Variants in PRKN observed in about 807,000 individuals in gnomAD.
PRKN encodes E3 ubiquitin-protein ligase parkin.
In PRKN, 56 loss-of-function variants were observed where a neutral mutation model predicts 59.5. The ratio of observed to expected loss-of-function variants is 0.94; its 90% CI spans 0.76 to 1.18. The LOEUF (loss-of-function observed/expected upper bound fraction) is 1.18. PRKN is among the 50% of genes most tolerant of loss of function. PRKN has a pLI of 0.00. For synonymous variants in PRKN, 250 were observed against 222.1 expected (o/e 1.13, Z -1.12); for missense variants, 657 against 596.4 (o/e 1.10, Z -1.06).
At chr6:162,647,641 C>T (rs995260096) in intron 1 of PRKN, among the ~76,000 whole-genome samples, 1 of 152,030 alleles carries the variant, frequency 6.6e-6, no homozygotes, top group Non-Finnish European at 1.5e-5. Context: ...CTATTCAGGG[C>T]TTTCTGGAAG....
chr6:162,553,557 A>AAAAAC (rs1554242558), intron 1 of PRKN, among the ~76,000 whole-genome samples: 25,119 of 138,140 alleles, frequency 0.18, 2,815 homozygotes, highest in East Asian at 0.46. Context: ...AAAAAAAAAA[A>AAAAAC]CACCCTAAAG....
intron 3 of PRKN, among the ~76,000 whole-genome samples, chr6:162,220,289 T>C (rs1046292510): frequency 3.3e-5 from 5 of 152,082 alleles, no homozygotes; most frequent in Non-Finnish European, 7.4e-5. Context: ...TATGCTTAAG[T>C]CTTCAAAAGG....
intron 7 of PRKN, among the ~76,000 whole-genome samples, chr6:161,583,017 CACACAT>C (rs71836147): frequency 0.075 from 9,775 of 130,008 alleles, 469 homozygotes; most frequent in East Asian, 0.18. Flanking sequence ...CACACACACA[CACACAT>C]ACACATTTTG....
At chr6:161,589,154 A>C (rs1160005149) in intron 7 of PRKN, among the ~76,000 whole-genome samples, 1 of 152,208 alleles carries the variant, frequency 6.6e-6, no homozygotes, top group East Asian at 1.9e-4. Context: ...AACCTGCTGA[A>C]ATACACCAGC....
rs1202526909 is a variant in PRKN, at chr6:161,448,590, A to G, written c.1084-61713T>C. Among the ~76,000 whole-genome samples, 1 of 152,134 alleles carries G rather than the reference A, an allele frequency of 6.6e-6. No individual in the cohort carries two copies. Among genetic ancestry groups the G allele is most frequent in the Non-Finnish European group, 1.5e-5 (1 of 68,042 alleles). ...CTTCTTTCTCTTTCTCTGTCCCCCG[A>G]GGTAGCATCTATGCTGACGTTCCCG... is the stretch of plus-strand genomic sequence containing the variant. On this transcript the variant is annotated intron_variant, in intron 9 of 11. Transcript: ENST00000366898. This position sits in a 1 kb window ranked among gnomAD's most constrained non-coding sequence, Gnocchi z 5.1.
chr6:162,307,015 T>C (rs1038596305), intron 2 of PRKN, among the ~76,000 whole-genome samples: 1 of 152,158 alleles, frequency 6.6e-6, no homozygotes, highest in Non-Finnish European at 1.5e-5. Context: ...TTTTTAAAAC[T>C]ATCTATCTGT....
intron 2 of PRKN, among the ~76,000 whole-genome samples, chr6:162,341,957 C>T (rs1784197940): frequency 6.6e-6 from 1 of 150,694 alleles, no homozygotes; most frequent in Admixed American, 6.6e-5. Context: ...AAATGTTCTT[C>T]TAAATCTAGG....
intron 2 of PRKN, among the ~76,000 whole-genome samples, chr6:162,294,476 A>C (rs2128110550): frequency 6.6e-6 from 1 of 152,306 alleles, no homozygotes. Context: ...ATTGATTAAT[A>C]ACTTGCCTGA....
At chr6:161,751,940 A>G (rs1562655492) in intron 7 of PRKN, among the ~76,000 whole-genome samples, 3 of 152,186 alleles carry the variant, frequency 2.0e-5, no homozygotes, top group African/African-American at 7.2e-5. Flanking sequence ...CCTGCACGGG[A>G]AGGTGGTTCA....
Position 161,497,577 on chromosome 6 carries a change from T to TCTCTCACACA in PRKN, c.1083+51276_1083+51277insTGTGTGAGAG, listed in dbSNP as rs369404858. Among the ~76,000 whole-genome samples, 121 of 147,472 alleles carry TCTCTCACACA rather than the reference T, an allele frequency of 8.2e-4. No homozygotes were observed. The highest frequency in any genetic ancestry group is 3.5e-3 in the Middle Eastern group (1 of 282). The stretch of plus-strand genomic sequence containing the variant: ...ATGTCTCTCTCTCTCTCTCTCTCTC[T>TCTCTCACACA]CACACACACACACACACACACCATA... On this transcript the variant is annotated intron_variant, in intron 9 of 11. Coordinates refer to ENST00000366898, the MANE Select transcript of PRKN (RefSeq NM_004562.3). This position sits in a 1 kb window ranked among gnomAD's most constrained non-coding sequence, Gnocchi z 4.6.
At chr6:161,519,116 T>C (rs759017562) in intron 9 of PRKN, among the ~76,000 whole-genome samples, 10 of 151,970 alleles carry the variant, frequency 6.6e-5, no homozygotes, top group Non-Finnish European at 1.2e-4. Flanking sequence ...TTGAGGGAGA[T>C]TGCACTGTTA....
chr6:162,468,495 C>T (rs1260093279), intron 1 of PRKN, among the ~76,000 whole-genome samples: 1 of 150,994 alleles, frequency 6.6e-6, no homozygotes, highest in Non-Finnish European at 1.5e-5. Flanking sequence ...CTAAACTGTT[C>T]GGTAATCCCA....
intron 1 of PRKN, among the ~76,000 whole-genome samples, chr6:162,449,215 A>G (rs1031272096): frequency 1.3e-5 from 2 of 151,540 alleles, no homozygotes; most frequent in South Asian, 2.1e-4. Flanking sequence ...AATTGCATCT[A>G]CTAGCATTTG....
At chr6:161,501,504 T>C (rs1198879497) in intron 9 of PRKN, among the ~76,000 whole-genome samples, 14 of 152,232 alleles carry the variant, frequency 9.2e-5, no homozygotes, top group Admixed American at 9.2e-4. Flanking sequence ...AAGTTCTTTG[T>C]ATATTTTGGT....
chr6:161,958,487 A>G (rs1780264878), intron 6 of PRKN, among the ~76,000 whole-genome samples: 1 of 152,230 alleles, frequency 6.6e-6, no homozygotes, highest in Non-Finnish European at 1.5e-5. Flanking sequence ...CATCAAATCA[A>G]TATTATGGTA....
intron 7 of PRKN, among the ~76,000 whole-genome samples, chr6:161,711,667 T>C (rs1455794895): frequency 6.6e-6 from 1 of 152,148 alleles, no homozygotes; most frequent in Non-Finnish European, 1.5e-5. Context: ...TTTGAGTCAG[T>C]GAGCTGGGAG....
intron 7 of PRKN, among the ~76,000 whole-genome samples, chr6:161,760,372 A>C (rs1471902505): frequency 6.6e-6 from 1 of 151,118 alleles, no homozygotes; most frequent in East Asian, 2.0e-4. Context: ...GATGTATTAC[A>C]TATAAGTAAA....
chr6:161,370,792 C>G (rs1022517593), intron 10 of PRKN, among the ~76,000 whole-genome samples: 3 of 152,184 alleles, frequency 2.0e-5, no homozygotes, highest in Admixed American at 6.5e-5. Flanking sequence ...CAAAAAAGAG[C>G]AGTTGTCATT....
Position 161,716,572 on chromosome 6 carries a change from C to T in PRKN, c.871+69200G>A, listed in dbSNP as rs1018874476. The stretch of plus-strand genomic sequence containing the variant: ...TCTGTCAACAGGCATTTACTGAGTA[C>T]CTATTGTGTTTAAGGGATTTTATGT... On this transcript the variant is annotated intron_variant, in intron 7 of 11. Transcript: ENST00000366898. Among the ~76,000 whole-genome samples the T allele has an allele frequency of 3.3e-5, 5 of 152,066 alleles. No homozygotes were observed. The East Asian group carries it at 9.6e-4, about 29-fold the overall frequency.
Sources: gnomAD v4.1 joint callset for allele counts (sites outside exome capture counted in the v4.1 genomes callset) on GRCh38, gnomAD v4.1.1 for gene constraint, Gnocchi (gnomAD v3.1) non-coding constraint, MANE v1.5 for transcripts, NCBI Gene and HGNC (gene_info 2026-07-23, HGNC 2026-07-21) for gene names.